RHBDD1: variants seen among roughly 807,000 people sequenced by gnomAD.
The protein encoded by RHBDD1 is rhomboid domain containing 1.
In RHBDD1, 38 loss-of-function variants were observed where a neutral mutation model predicts 36.3. The ratio of observed to expected loss-of-function variants is 1.05; its 90% CI spans 0.81 to 1.37. The LOEUF (loss-of-function observed/expected upper bound fraction) is 1.37, where lower values mean the gene tolerates loss of function less well. Ranked by LOEUF, RHBDD1 falls within the 40% of genes most tolerant of loss-of-function variation. The probability of loss-of-function intolerance (pLI) is 0.00; values close to 1 mark genes in which losing one functional copy is unlikely to be tolerated. For missense variants in RHBDD1, 393 were observed against 377.6 expected (o/e 1.04, Z -0.34); for synonymous variants, 151 against 136.5 (o/e 1.11, Z -0.74).
At chr2:226,808,550 T>A in the RHBDD1 span, 3 of 152,196 alleles carry the variant, frequency 2.0e-5, no homozygotes, top group Admixed American at 6.5e-5. Context: ...TGCGTTAGAA[T>A]GACTGAAGGC....
intron 8 of RHBDD1, among the ~76,000 whole-genome samples, chr2:226,961,428 A>G (rs1288068809): frequency 6.6e-6 from 1 of 152,068 alleles, no homozygotes; most frequent in African/African-American, 2.4e-5. Context: ...TTTTACTTCT[A>G]TTTCAATCAA....
the RHBDD1 span, among the ~76,000 whole-genome samples, chr2:226,828,051 CCAT>C: frequency 6.6e-6 from 1 of 152,178 alleles, no homozygotes; most frequent in Non-Finnish European, 1.5e-5. Context: ...TTATAGGCAA[CCAT>C]CATCACTATC....
chr2:226,830,398 C>A, the RHBDD1 span, among the ~76,000 whole-genome samples: 1 of 152,222 alleles, frequency 6.6e-6, no homozygotes, highest in African/African-American at 2.4e-5. Context: ...CTGTTGCTTA[C>A]AAGCCACTCG....
chr2:226,873,538 C>T (rs1209479184), intron 5 of RHBDD1, among the ~76,000 whole-genome samples: 1 of 152,186 alleles, frequency 6.6e-6, no homozygotes, highest in Admixed American at 6.5e-5. Context: ...GCCTCATAAG[C>T]TTCTTGGCAA....
intron 5 of RHBDD1, among the ~76,000 whole-genome samples, chr2:226,879,726 A>G (rs1433868103): frequency 1.3e-5 from 2 of 152,250 alleles, no homozygotes; most frequent in East Asian, 1.9e-4. Flanking sequence ...TATAGGGTCA[A>G]AAGATACATT....
intron 5 of RHBDD1, among the ~76,000 whole-genome samples, chr2:226,905,119 G>A (rs182346356): frequency 1.1e-3 from 172 of 150,814 alleles, no homozygotes; most frequent in African/African-American, 4.1e-3. Context: ...GGAATGAGAG[G>A]TCACTATTCC....
intron 5 of RHBDD1, among the ~76,000 whole-genome samples, chr2:226,905,390 G>C (rs1427657373): frequency 6.6e-6 from 1 of 152,124 alleles, no homozygotes; most frequent in Non-Finnish European, 1.5e-5. Context: ...TTTGACAGAG[G>C]TGCTGTTTGG....
chr2:226,984,956 C>G (rs1387768867), intron 8 of RHBDD1, among the ~76,000 whole-genome samples: 1 of 140,608 alleles, frequency 7.1e-6, no homozygotes, highest in Non-Finnish European at 1.5e-5. Context: ...GGGGCAGAAG[C>G]AAAGAGGAGG....
intron 8 of RHBDD1, among the ~76,000 whole-genome samples, chr2:226,985,615 G>A (rs1288756084): frequency 6.6e-6 from 1 of 152,272 alleles, no homozygotes; most frequent in Non-Finnish European, 1.5e-5. Context: ...CTCAAAGGCT[G>A]ATGTACATCG....
intron 3 of RHBDD1, among the ~76,000 whole-genome samples, chr2:226,850,859 A>G (rs1258754174): frequency 3.9e-5 from 6 of 152,086 alleles, no homozygotes; most frequent in African/African-American, 1.2e-4. Context: ...AGAATCTTCC[A>G]TGAGACTTCT....
At chr2:226,983,002 A>G (rs1360327246) in intron 8 of RHBDD1, among the ~76,000 whole-genome samples, 1 of 152,254 alleles carries the variant, frequency 6.6e-6, no homozygotes, top group Non-Finnish European at 1.5e-5. Flanking sequence ...TAACCTAGGA[A>G]ACTACCAGTC....
intron 7 of RHBDD1, among the ~76,000 whole-genome samples, chr2:226,909,722 TG>T (rs950632641): frequency 1.3e-5 from 2 of 152,092 alleles, no homozygotes; most frequent in Non-Finnish European, 2.9e-5. Flanking sequence ...GTCTGCAACC[TG>T]GAAGAGGGTC....
chr2:226,889,609 G>T (rs1478201757), intron 5 of RHBDD1, among the ~76,000 whole-genome samples: 1 of 152,208 alleles, frequency 6.6e-6, no homozygotes, highest in East Asian at 1.9e-4. Context: ...AAAGTGTTTT[G>T]TGGGTCAAAA....
chr2:226,894,554 A>G lies in RHBDD1; in HGVS notation c.567-12239A>G, dbSNP rs77912418. Among the ~76,000 whole-genome samples the G allele has an allele frequency of 3.6e-4, 55 of 152,290 alleles. No individual in the cohort carries two copies. In the East Asian group the frequency reaches 9.1e-3, roughly 25 times the overall value. On this transcript the variant is annotated intron_variant, in intron 5 of 8. Transcript: ENST00000392062. Reference sequence around the variant, plus strand: ...CCAAAGTGCTTGGATTGCAGGCGTGAGCCACTGCACCCAGCCTATAATTCA... The same window carrying G: ...CCAAAGTGCTTGGATTGCAGGCGTGGGCCACTGCACCCAGCCTATAATTCA...
At chr2:226,976,656 G>T (rs1954636622) in intron 8 of RHBDD1, among the ~76,000 whole-genome samples, 1 of 152,112 alleles carries the variant, frequency 6.6e-6, no homozygotes, top group African/African-American at 2.4e-5. Context: ...CACACATCAG[G>T]CTATTGTCTC....
chr2:226,934,297 A>G (rs1308279452), intron 8 of RHBDD1, among the ~76,000 whole-genome samples: 2 of 152,154 alleles, frequency 1.3e-5, no homozygotes, highest in African/African-American at 2.4e-5. Context: ...CATATAGCCT[A>G]TATGTGTAGT....
At chr2:226,960,537 T>G (rs1021734096) in intron 8 of RHBDD1, among the ~76,000 whole-genome samples, 1 of 152,228 alleles carries the variant, frequency 6.6e-6, no homozygotes, top group African/African-American at 2.4e-5. Flanking sequence ...CAACTTAATT[T>G]TCTTTGTATG....
intron 8 of RHBDD1, among the ~76,000 whole-genome samples, chr2:226,926,088 A>G (rs1180853835): frequency 6.6e-6 from 1 of 152,140 alleles, no homozygotes; most frequent in Non-Finnish European, 1.5e-5. Context: ...TTTGAAAAAT[A>G]AGGGCCATTG....
At chr2:226,926,870 C>CTTTA (rs905088873) in intron 8 of RHBDD1, among the ~76,000 whole-genome samples, 3 of 152,068 alleles carry the variant, frequency 2.0e-5, no homozygotes, top group African/African-American at 7.2e-5. Flanking sequence ...TTTTACAAGG[C>CTTTA]TAAATATTAG....
Sources: gnomAD v4.1 joint callset for allele counts (sites outside exome capture counted in the v4.1 genomes callset) on GRCh38, gnomAD v4.1.1 for gene constraint, MANE v1.5 for transcripts, NCBI Gene and HGNC (gene_info 2026-07-23, HGNC 2026-07-21) for gene names.